The following MYT1 variants were observed in gnomAD, a reference collection of about 807,000 sequenced individuals.
The protein encoded by MYT1 is myelin transcription factor I.
A neutral mutation model predicts 123.0 loss-of-function variants in MYT1; 23 were observed. The ratio of observed to expected loss-of-function variants is 0.19; its 90% CI spans 0.13 to 0.26. The LOEUF is 0.26. Among genes scored for constraint, MYT1 ranks in the 10% least tolerant of loss-of-function variants. The probability of loss-of-function intolerance (pLI) is 1.00; values close to 1 mark genes in which losing one functional copy is unlikely to be tolerated. For synonymous variants in MYT1, 518 were observed against 575.3 expected, an observed-to-expected ratio of 0.90 and a Z score of 1.43; for missense variants, 1,125 against 1,472.5, an observed-to-expected ratio of 0.76 and a Z score of 3.86.
rs1432561624 is a variant in MYT1 at position 64,240,322 on chromosome 20, G to C, written c.3240G>C (p.Glu1080Asp). ...GCTAACCTGGTTCTGTTCTCTAGGA[G>C]CCAATATGCGAACAGAATTTCGATG... ...SLANIRLPHM[E>D]PICEQNFDAY... Residue 1080 changes from glutamate to aspartate, a missense_variant and splice_region_variant, in exon 23 of 23, where the codon GAG (glutamate) becomes GAC (aspartate). Physicochemically the swap from Glu to Asp is conservative, Grantham distance 45. Around this residue, in one of 4 missense-constraint regions of MYT1, gnomAD observed 243 missense variants for 323.1 expected, o/e 0.75. Transcript: ENST00000328439. 6.2e-7 allele frequency: 1 copy of C among 1,613,808 alleles called. No homozygotes were observed. Among genetic ancestry groups the C allele is most frequent in the African/African-American group, 1.3e-5 (1 of 75,042 alleles).
chr20:64,210,791 A>C (rs953077409), intron 7 of MYT1, among the ~76,000 whole-genome samples: 2 of 152,150 alleles, frequency 1.3e-5, no homozygotes, highest in Non-Finnish European at 1.5e-5. Flanking sequence ...TGGATAAGTT[A>C]CTCAACTCCT....
chr20:64,207,142 C>T (rs542737486), intron 6 of MYT1, among the ~76,000 whole-genome samples: 67 of 152,240 alleles, frequency 4.4e-4, no homozygotes, highest in Non-Finnish European at 7.8e-4. Flanking sequence ...CCTCGGCCTC[C>T]CAAAGTCCTG....
intron 16 of MYT1, among the ~76,000 whole-genome samples, chr20:64,224,538 C>A (rs1984111082): frequency 6.6e-6 from 1 of 152,156 alleles, no homozygotes; most frequent in African/African-American, 2.4e-5. Context: ...ATCTAAGTTT[C>A]CTTCCTGGAA....
intron 13 of MYT1, among the ~76,000 whole-genome samples, chr20:64,220,324 T>TG (rs915941224): frequency 6.6e-6 from 1 of 152,134 alleles, no homozygotes; most frequent in African/African-American, 2.4e-5. Context: ...AGGAGTTGAT[T>TG]GGGGAAAAGC....
At chr20:64,176,580 C>T (rs536659079) in intron 1 of MYT1, among the ~76,000 whole-genome samples, 3 of 152,364 alleles carry the variant, frequency 2.0e-5, no homozygotes, top group Non-Finnish European at 2.9e-5. Context: ...GGGTGTGGGG[C>T]GAATGTGCTG....
In MYT1 at chr20:64,218,934, G is replaced by A. The variant is rs1472129586; in HGVS notation, c.1870G>A (p.Glu624Lys). 9.3e-6 allele frequency: 15 copies of A among 1,613,640 alleles called. No individual in the cohort carries two copies. Among genetic ancestry groups the A allele is most frequent in the Non-Finnish European group, 1.1e-5 (13 of 1,180,018 alleles). Residue 624 changes from glutamate to lysine, a missense_variant, in exon 12 of 23, where the codon GAG becomes AAG. Coordinates refer to ENST00000328439, the MANE Select transcript of MYT1 (RefSeq NM_004535.3). This position sits in a 1 kb window ranked among gnomAD's most constrained non-coding sequence, Gnocchi z 4.0. ...FQCFDYSQDA[E>K]AAHMAATAIL... Reference sequence around the variant, plus strand: ...AGGCTTTGACTACTCGCAGGACGCCGAGGCTGCACACATGGCTGCCACTGC... The same window carrying A: ...AGGCTTTGACTACTCGCAGGACGCCAAGGCTGCACACATGGCTGCCACTGC...
chr20:64,235,509 C>G (rs1349860169), intron 19 of MYT1, among the ~76,000 whole-genome samples: 1 of 120,428 alleles, frequency 8.3e-6, no homozygotes, highest in African/African-American at 3.2e-5. Context: ...GGCTGAGTGA[C>G]CCTGGGCTGG....
chr20:64,178,502 C>T (rs952517749), intron 1 of MYT1, among the ~76,000 whole-genome samples: 8 of 151,936 alleles, frequency 5.3e-5, no homozygotes, highest in African/African-American at 1.9e-4. Flanking sequence ...TACCCTTCAA[C>T]GTGGGAGCAC....
At position 64,237,351 on chromosome 20, in the gene MYT1, C is replaced by T. The variant is rs1984583036; in HGVS notation, c.3054C>T (p.Asn1018=). The change falls in exon 21 of 23, where the codon AAC becomes AAT. Residue 1018 remains asparagine, a synonymous_variant. Coordinates refer to ENST00000328439, the MANE Select transcript of MYT1 (RefSeq NM_004535.3). ...AGATCCGAGACCTGAACGAGTCCAACTCGGAGATGGAGGCTGCCATGGTGC... is the reference window on the plus strand; with the variant it reads ...AGATCCGAGACCTGAACGAGTCCAATTCGGAGATGGAGGCTGCCATGGTGC... ...NQEIRDLNES[N]SEMEAAMVQL... 1.2e-6 allele frequency: 2 copies of T among 1,609,780 alleles called. No homozygotes were observed. The highest frequency in any genetic ancestry group is 1.3e-5 in the African/African-American group (1 of 75,054).
In MYT1 at chr20:64,203,859, G is replaced by A. The variant is rs1324810403; in HGVS notation, c.87-1176G>A. On this transcript the variant is annotated intron_variant, in intron 4 of 22. Coordinates refer to ENST00000328439, the MANE Select transcript of MYT1 (RefSeq NM_004535.3). This position sits in a 1 kb window ranked among gnomAD's most constrained non-coding sequence, Gnocchi z 5.1. ...TTTTCCCCGGGTCCCAGGTATGGGG[G>A]CACCAGCCCTTACCTTCCTCCCTTC... is the stretch of plus-strand genomic sequence containing the variant. Among the ~76,000 whole-genome samples the A allele has an allele frequency of 3.9e-5, 6 of 152,362 alleles. No homozygotes were observed. The East Asian group carries it at 5.8e-4, about 15-fold the overall frequency.
Position 64,227,327 on chromosome 20 carries a change from A to C in MYT1, c.2529-88A>C, listed in dbSNP as rs920200963. On this transcript the variant is annotated intron_variant, in intron 16 of 22. Transcript: ENST00000328439. ...GTGGGCGCACTCAAGGGCTGAGCCC[A>C]GAAGGCTTTCCTCTGGGGGTCCCAG... 13 of 1,293,570 alleles carry C rather than the reference A, an allele frequency of 1.0e-5. No homozygotes were observed. In the African/African-American group the frequency reaches 1.9e-4, roughly 19 times the overall value. The allele number at this position is 1,293,570 out of a possible 1,614,324, so 80.1% of individuals were successfully genotyped here.
chr20:64,166,139 G>A lies in MYT1; in HGVS notation c.-99+1400G>A, dbSNP rs1435802967. Among the ~76,000 whole-genome samples, 1 of 152,176 alleles carries A rather than the reference G, an allele frequency of 6.6e-6. No individual in the cohort carries two copies. The highest frequency in any genetic ancestry group is 2.4e-5 in the African/African-American group (1 of 41,440). ...TGTGATTATCGCCTCCTTCCATATG[G>A]CCCTGTTAATTAACGGTAAACAAAA... is the stretch of plus-strand genomic sequence containing the variant. On this transcript the variant is annotated intron_variant, in intron 1 of 22. Transcript: ENST00000328439. This position sits in a 1 kb window ranked among gnomAD's most constrained non-coding sequence, Gnocchi z 4.9.
chr20:64,238,475 G>C (rs1984616499), intron 21 of MYT1, among the ~76,000 whole-genome samples: 1 of 152,004 alleles, frequency 6.6e-6, no homozygotes, highest in Non-Finnish European at 1.5e-5. Flanking sequence ...TGGCAAACAG[G>C]CTCACGTTGA....
In MYT1 at chr20:64,184,481, T is replaced by C. The variant is rs1297838485; in HGVS notation, c.-98-5582T>C. Among the ~76,000 whole-genome samples, 4 of 152,308 alleles carry C rather than the reference T, an allele frequency of 2.6e-5. No homozygotes were observed. The East Asian group carries it at 7.7e-4, about 29-fold the overall frequency. On this transcript the variant is annotated intron_variant, in intron 1 of 22. Transcript: ENST00000328439. ...TGGACTCTCAATTATGTCCCACTTATCCATATGCCCGTCCTGATGCTAGTA... is the reference window on the plus strand; with the variant it reads ...TGGACTCTCAATTATGTCCCACTTACCCATATGCCCGTCCTGATGCTAGTA...
At chr20:64,217,561 C>T (rs1303099947) in intron 11 of MYT1, among the ~76,000 whole-genome samples, 2 of 152,220 alleles carry the variant, frequency 1.3e-5, no homozygotes, top group Non-Finnish European at 2.9e-5. Flanking sequence ...AGATCCGTTA[C>T]GGGCGTGTGT....
In MYT1 at chr20:64,241,024, A is replaced by T. The variant is rs1984702369; in HGVS notation, c.*576A>T. ...TCCCAGAGGATACTCCAGACAGTTG[A>T]CAAGCATCGCAGCCCCTGTCAGGTC... is the stretch of plus-strand genomic sequence containing the variant. On this transcript the variant is annotated 3_prime_UTR_variant, in exon 23 of 23. Coordinates refer to ENST00000328439, the MANE Select transcript of MYT1 (RefSeq NM_004535.3). This position sits in a 1 kb window ranked among gnomAD's most constrained non-coding sequence, Gnocchi z 4.2. 6.6e-6 allele frequency: 1 copy of T among 152,638 alleles called. No individual in the cohort carries two copies. Among genetic ancestry groups the T allele is most frequent in the East Asian group, 1.9e-4 (1 of 5,198 alleles). The allele number at this position is 152,638 out of a possible 1,614,324, so 9.5% of individuals were successfully genotyped here.
intron 1 of MYT1, among the ~76,000 whole-genome samples, chr20:64,179,047 G>A (rs1982563085): frequency 1.4e-5 from 2 of 147,270 alleles, no homozygotes; most frequent in Admixed American, 6.7e-5. Flanking sequence ...TGGGAGCACT[G>A]AGCCGTTATT....
At chr20:64,188,694 C>G (rs1024048458) in intron 1 of MYT1, among the ~76,000 whole-genome samples, 12 of 152,174 alleles carry the variant, frequency 7.9e-5, no homozygotes, top group Non-Finnish European at 4.4e-5. Flanking sequence ...CAGGTGGGCC[C>G]CAGTTAGAGG....
chr20:64,188,189 C>T (rs1982867442), intron 1 of MYT1, among the ~76,000 whole-genome samples: 1 of 152,152 alleles, frequency 6.6e-6, no homozygotes, highest in African/African-American at 2.4e-5. Context: ...AACTGGAGGT[C>T]CCTTTGCAGA....
Sources: gnomAD v4.1 joint callset for allele counts (sites outside exome capture counted in the v4.1 genomes callset) on GRCh38, gnomAD v4.1.1 for gene constraint, gnomAD v4.1.1 regional missense constraint, Gnocchi (gnomAD v3.1) non-coding constraint, MANE v1.5 for transcripts, NCBI Gene and HGNC (gene_info 2026-07-23, HGNC 2026-07-21) for gene names.